The following LHFPL3 variants were observed in gnomAD, a reference collection of about 807,000 sequenced individuals.
LHFPL3 encodes the protein LHFPL tetraspan subfamily member 3 protein.
A neutral mutation model predicts 19.3 loss-of-function variants in LHFPL3; 5 were observed. The observed-to-expected ratio is 0.26, with a 90% CI of 0.14 to 0.54. The LOEUF is 0.54. Among genes scored for constraint, LHFPL3 ranks in the 20% least tolerant of loss-of-function variants. The pLI is 0.94. For missense variants in LHFPL3, 249 were observed against 307.4 expected (o/e 0.81, Z 1.42); for synonymous variants, 133 against 126.2 (o/e 1.05, Z -0.36).
At chr7:104,406,254 G>A (rs1015180903) in intron 1 of LHFPL3, among the ~76,000 whole-genome samples, 2 of 152,162 alleles carry the variant, frequency 1.3e-5, no homozygotes, top group Admixed American at 1.3e-4. Context: ...AGAACACTGT[G>A]AGCCCCAAAA....
intron 1 of LHFPL3, among the ~76,000 whole-genome samples, chr7:104,395,053 C>T (rs1791156568): frequency 6.6e-6 from 1 of 151,890 alleles, no homozygotes; most frequent in African/African-American, 2.4e-5. Context: ...CTTGTTCTTG[C>T]CCAATGAGCT....
intron 1 of LHFPL3, among the ~76,000 whole-genome samples, chr7:104,644,943 G>T (rs1462340486): frequency 6.6e-6 from 1 of 152,078 alleles, no homozygotes; most frequent in African/African-American, 2.4e-5. Flanking sequence ...ATTAACCCAG[G>T]TCTCTTCTCT....
chr7:104,443,250 T>C (rs746239120), intron 1 of LHFPL3, among the ~76,000 whole-genome samples: 4 of 152,168 alleles, frequency 2.6e-5, no homozygotes, highest in Non-Finnish European at 5.9e-5. Context: ...TGTTATGCAA[T>C]ATCAGCATCC....
intron 1 of LHFPL3, among the ~76,000 whole-genome samples, chr7:104,507,547 G>A (rs1444508124): frequency 8.9e-6 from 1 of 112,194 alleles, no homozygotes; most frequent in Non-Finnish European, 1.9e-5. Context: ...CATAGGCATG[G>A]GCAAGGACTT....
intron 2 of LHFPL3, among the ~76,000 whole-genome samples, chr7:104,872,402 T>G (rs1261835526): frequency 6.6e-6 from 1 of 151,886 alleles, no homozygotes; most frequent in Non-Finnish European, 1.5e-5. Context: ...CCCCACACTT[T>G]AGGAGGCCAA....
intron 1 of LHFPL3, among the ~76,000 whole-genome samples, chr7:104,414,980 G>A (rs893230933): frequency 5.9e-5 from 9 of 152,110 alleles, no homozygotes; most frequent in African/African-American, 1.2e-4. Flanking sequence ...AACAAATTGC[G>A]CATATAGTTA....
intron 1 of LHFPL3, among the ~76,000 whole-genome samples, chr7:104,568,557 A>G (rs548573908): frequency 6.6e-6 from 1 of 152,312 alleles, no homozygotes; most frequent in Admixed American, 6.5e-5. Context: ...CTCCCAGTCT[A>G]CTGTTCTTTC....
intron 1 of LHFPL3, among the ~76,000 whole-genome samples, chr7:104,397,509 G>C (rs1369146540): frequency 6.6e-6 from 1 of 152,146 alleles, no homozygotes; most frequent in African/African-American, 2.4e-5. Flanking sequence ...ATAGAAACAT[G>C]TAACTGTTGG....
chr7:104,411,056 C>T (rs1359358887), intron 1 of LHFPL3, among the ~76,000 whole-genome samples: 1 of 152,098 alleles, frequency 6.6e-6, no homozygotes, highest in Non-Finnish European at 1.5e-5. Context: ...ACTATGCCCT[C>T]GTGAAAGTAG....
chr7:104,645,456 T>C (rs1418504396), intron 1 of LHFPL3, among the ~76,000 whole-genome samples: 2 of 152,082 alleles, frequency 1.3e-5, no homozygotes, highest in African/African-American at 4.8e-5. Flanking sequence ...GTGAAAATAA[T>C]TTTTTAAAAA....
chr7:104,491,866 C>A (rs1031779923), intron 1 of LHFPL3, among the ~76,000 whole-genome samples: 2 of 152,100 alleles, frequency 1.3e-5, no homozygotes, highest in African/African-American at 4.8e-5. Context: ...CAACACAGAA[C>A]ACAAAATACA....
chr7:104,509,618 C>T (rs982405154), intron 1 of LHFPL3, among the ~76,000 whole-genome samples: 1 of 151,892 alleles, frequency 6.6e-6, no homozygotes, highest in Non-Finnish European at 1.5e-5. Flanking sequence ...AAAATCCTTA[C>T]AGCTAGTATT....
chr7:104,835,212 G>C (rs374044362), intron 2 of LHFPL3, among the ~76,000 whole-genome samples: 1 of 151,968 alleles, frequency 6.6e-6, no homozygotes, highest in Non-Finnish European at 1.5e-5. Flanking sequence ...TTGGTTTGCT[G>C]AGACTAAATG....
At chr7:104,567,995 T>C (rs1313805198) in intron 1 of LHFPL3, among the ~76,000 whole-genome samples, 2 of 152,184 alleles carry the variant, frequency 1.3e-5, no homozygotes, top group Admixed American at 1.3e-4. Flanking sequence ...TGCTTTTCCA[T>C]GCTGTAGGTT....
intron 1 of LHFPL3, among the ~76,000 whole-genome samples, chr7:104,553,337 A>G (rs770791941): frequency 6.6e-6 from 1 of 152,184 alleles, no homozygotes; most frequent in African/African-American, 2.4e-5. Flanking sequence ...AGGCACAAAA[A>G]TATGCTCTTC....
intron 1 of LHFPL3, among the ~76,000 whole-genome samples, chr7:104,352,191 A>C (rs1790190999): frequency 6.6e-6 from 1 of 151,936 alleles, no homozygotes; most frequent in African/African-American, 2.4e-5. Context: ...CATACAACTG[A>C]ATCATTATTC....
intron 1 of LHFPL3, among the ~76,000 whole-genome samples, chr7:104,509,831 A>G (rs1002392157): frequency 1.3e-5 from 2 of 152,118 alleles, no homozygotes; most frequent in South Asian, 2.1e-4. Context: ...GTGACGATCT[A>G]TGTAGAAAGT....
At chr7:104,859,101 A>T (rs1791564551) in intron 2 of LHFPL3, among the ~76,000 whole-genome samples, 1 of 125,762 alleles carries the variant, frequency 8.0e-6, no homozygotes, top group South Asian at 2.4e-4. Flanking sequence ...AGTCTCTACT[A>T]AAAAAAAATA....
At chr7:104,405,784 G>T (rs751684541) in intron 1 of LHFPL3, among the ~76,000 whole-genome samples, 24 of 152,042 alleles carry the variant, frequency 1.6e-4, no homozygotes, top group Non-Finnish European at 3.4e-4. Context: ...TTAAAGCATG[G>T]GTGTGTTTGA....
Sources: gnomAD v4.1 joint callset for allele counts (sites outside exome capture counted in the v4.1 genomes callset) on GRCh38, gnomAD v4.1.1 for gene constraint, MANE v1.5 for transcripts, NCBI Gene and HGNC (gene_info 2026-07-23, HGNC 2026-07-21) for gene names.